DLG2: variants seen among roughly 807,000 people sequenced by gnomAD.
DLG2 encodes disks large homolog 2.
In DLG2, 45 loss-of-function variants were observed where a neutral mutation model predicts 132.5. The observed-to-expected ratio is 0.34, with a 90% CI of 0.27 to 0.44. The LOEUF is 0.44. Ranked by LOEUF, DLG2 falls within the 20% of genes least tolerant of loss-of-function variation. DLG2 has a pLI of 1.00. For missense variants in DLG2, 1,045 were observed against 1,196.9 expected (o/e 0.87, Z 1.87); for synonymous variants, 424 against 419.6 (o/e 1.01, Z -0.13).
At chr11:84,211,422 TA>T (rs2154310676) in intron 8 of DLG2, among the ~76,000 whole-genome samples, 1 of 152,272 alleles carries the variant, frequency 6.6e-6, no homozygotes, top group South Asian at 2.1e-4. Context: ...ATTATTTATT[TA>T]AGAGAGAGAT....
chr11:84,634,179 G>T (rs2099636768), intron 6 of DLG2, among the ~76,000 whole-genome samples: 2 of 152,048 alleles, frequency 1.3e-5, no homozygotes, highest in South Asian at 4.2e-4. Context: ...CATCTGTATT[G>T]TCTTCAATCA....
At chr11:84,101,630 T>C (rs1198284496) in intron 9 of DLG2, among the ~76,000 whole-genome samples, 1 of 152,050 alleles carries the variant, frequency 6.6e-6, no homozygotes, top group Non-Finnish European at 1.5e-5. Flanking sequence ...GAGATAGTGT[T>C]TAGGGGACTT....
intron 7 of DLG2, among the ~76,000 whole-genome samples, chr11:84,349,270 A>G (rs2098552241): frequency 6.6e-6 from 1 of 152,112 alleles, no homozygotes; most frequent in African/African-American, 2.4e-5. Context: ...GGGTCAGAAA[A>G]TATTTCCCAA....
At chr11:85,159,840 C>A (rs563352749) in intron 4 of DLG2, among the ~76,000 whole-genome samples, 1 of 152,306 alleles carries the variant, frequency 6.6e-6, no homozygotes, top group African/African-American at 2.4e-5. Context: ...GTGTCATAAT[C>A]TTATTTGGAG....
chr11:84,094,879 GA>G (rs771053974), intron 10 of DLG2, among the ~76,000 whole-genome samples: 1 of 152,056 alleles, frequency 6.6e-6, no homozygotes, highest in Non-Finnish European at 1.5e-5. Context: ...TAACTCAAAG[GA>G]AACACCAAGG....
At chr11:84,165,879 A>G (rs2095650742) in intron 8 of DLG2, among the ~76,000 whole-genome samples, 1 of 152,076 alleles carries the variant, frequency 6.6e-6, no homozygotes, top group Non-Finnish European at 1.5e-5. Flanking sequence ...GCCTGGGTGA[A>G]AGAGTGAGAT....
chr11:84,509,591 C>T (rs190565168), intron 7 of DLG2, among the ~76,000 whole-genome samples: 2 of 152,194 alleles, frequency 1.3e-5, no homozygotes, highest in East Asian at 1.9e-4. Flanking sequence ...TGATAAAGTG[C>T]TCCACCAGGA....
chr11:85,447,732 T>G (rs73491957), intron 3 of DLG2, among the ~76,000 whole-genome samples: 1 of 152,110 alleles, frequency 6.6e-6, no homozygotes, highest in African/African-American at 2.4e-5. Context: ...AAGTAAAAAT[T>G]TGAAGCTTAA....
At chr11:84,704,714 C>T (rs948850669) in intron 6 of DLG2, among the ~76,000 whole-genome samples, 2 of 150,996 alleles carry the variant, frequency 1.3e-5, no homozygotes, top group Non-Finnish European at 3.0e-5. Flanking sequence ...CATTATTGAC[C>T]AGAGCTTTTC....
chr11:84,591,929 T>C (rs181771069), intron 6 of DLG2, among the ~76,000 whole-genome samples: 64 of 152,194 alleles, frequency 4.2e-4, no homozygotes, highest in African/African-American at 1.4e-3. Flanking sequence ...TCTTGGCTAA[T>C]TGCAACCTCT....
At chr11:83,657,395 C>T (rs1442415009) in intron 18 of DLG2, among the ~76,000 whole-genome samples, 1 of 152,146 alleles carries the variant, frequency 6.6e-6, no homozygotes, top group East Asian at 1.9e-4. Context: ...CCACTTCTGG[C>T]ACTAACATTT....
chr11:85,345,219 T>A (rs2082749513), intron 3 of DLG2, among the ~76,000 whole-genome samples: 1 of 152,140 alleles, frequency 6.6e-6, no homozygotes, highest in Non-Finnish European at 1.5e-5. Flanking sequence ...GGAAGTTGCA[T>A]AAGGATCATT....
At chr11:84,410,502 A>AT (rs763514657) in intron 7 of DLG2, among the ~76,000 whole-genome samples, 1 of 152,158 alleles carries the variant, frequency 6.6e-6, no homozygotes. Context: ...TCCAAAAAAA[A>AT]GAAAAAGTGT....
intron 3 of DLG2, among the ~76,000 whole-genome samples, chr11:85,507,225 C>T (rs186263825): frequency 1.4e-3 from 214 of 151,994 alleles, no homozygotes; most frequent in African/African-American, 4.8e-3. Context: ...AGGTTAATAA[C>T]GTTATGTGTG....
chr11:84,906,794 T>C (rs1332714525), intron 6 of DLG2, among the ~76,000 whole-genome samples: 1 of 152,172 alleles, frequency 6.6e-6, no homozygotes, highest in Non-Finnish European at 1.5e-5. Flanking sequence ...TCTCCTATCC[T>C]GACATAGCTG....
intron 6 of DLG2, among the ~76,000 whole-genome samples, chr11:84,950,461 T>C (rs2050772432): frequency 6.6e-6 from 1 of 152,196 alleles, no homozygotes; most frequent in African/African-American, 2.4e-5. Flanking sequence ...GAATGACAAA[T>C]AGACTTCCTG....
intron 21 of DLG2, among the ~76,000 whole-genome samples, chr11:83,493,125 C>T (rs765897133): frequency 5.3e-5 from 8 of 152,074 alleles, no homozygotes; most frequent in African/African-American, 1.7e-4. Flanking sequence ...TTCCTTGAAT[C>T]CTTAAATTCA....
chr11:83,461,204 T>G (rs2089925638), intron 27 of DLG2, among the ~76,000 whole-genome samples: 1 of 151,926 alleles, frequency 6.6e-6, no homozygotes, highest in South Asian at 2.1e-4. Flanking sequence ...GAGACGGGGG[T>G]TTCACTATGT....
chr11:83,781,174 C>G (rs1231643850), intron 18 of DLG2, among the ~76,000 whole-genome samples: 1 of 152,130 alleles, frequency 6.6e-6, no homozygotes, highest in Non-Finnish European at 1.5e-5. Context: ...TCTTTTAGAT[C>G]TTTGTTCAAA....
Sources: allele counts gnomAD v4.1 joint callset (sites outside exome capture counted in the v4.1 genomes callset), GRCh38; gene constraint gnomAD v4.1.1; transcripts MANE v1.5; gene names NCBI Gene and HGNC (gene_info 2026-07-23, HGNC 2026-07-21).